The following MAP3K7 variants were observed in gnomAD, a reference collection of about 807,000 sequenced individuals.
MAP3K7 encodes TGF-beta activated kinase 1.
Under a neutral mutation model 84.8 loss-of-function variants are expected in MAP3K7, and 21 were observed. That is an observed-to-expected ratio of 0.25 (90% confidence interval 0.18 to 0.36). The LOEUF is 0.36. Among genes scored for constraint, MAP3K7 ranks in the 10% least tolerant of loss-of-function variants. MAP3K7 has a pLI of 1.00. For synonymous variants in MAP3K7, 241 were observed against 247.7 expected (o/e 0.97, Z 0.25); for missense variants, 503 against 747.7 (o/e 0.67, Z 3.82).
intron 6 of MAP3K7, among the ~76,000 whole-genome samples, chr6:90,554,298 T>C (rs1055435578): frequency 1.4e-4 from 22 of 152,214 alleles, no homozygotes; most frequent in African/African-American, 5.3e-4. Context: ...TCTAATTTAG[T>C]GTTACAGTTT....
chr6:90,581,831 G>C (rs1777281866), intron 1 of MAP3K7, among the ~76,000 whole-genome samples: 1 of 152,076 alleles, frequency 6.6e-6, no homozygotes, highest in African/African-American at 2.4e-5. Context: ...CTATAAATTA[G>C]GTTTTTCTCT....
At chr6:90,517,077 G>A (rs957115180) in intron 16 of MAP3K7, among the ~76,000 whole-genome samples, 21 of 151,926 alleles carry the variant, frequency 1.4e-4, no homozygotes, top group African/African-American at 5.1e-4. Flanking sequence ...ACATTCTGAA[G>A]TCACAATCCT....
chr6:90,579,134 G>A (rs1183826372), intron 1 of MAP3K7, among the ~76,000 whole-genome samples: 1 of 152,214 alleles, frequency 6.6e-6, no homozygotes, highest in African/African-American at 2.4e-5. Context: ...GCCTGGTACA[G>A]AGAAAAATGC....
intron 13 of MAP3K7, among the ~76,000 whole-genome samples, chr6:90,525,314 G>C (rs1775286635): frequency 6.6e-6 from 1 of 151,976 alleles, no homozygotes; most frequent in Non-Finnish European, 1.5e-5. Context: ...TATGATAAGT[G>C]GTTCAATTCA....
At chr6:90,527,773 C>G (rs1775369825) in intron 13 of MAP3K7, among the ~76,000 whole-genome samples, 2 of 150,980 alleles carry the variant, frequency 1.3e-5, no homozygotes, top group Admixed American at 6.6e-5. Context: ...ATTTTCATAA[C>G]TTATACATTA....
intron 13 of MAP3K7, among the ~76,000 whole-genome samples, chr6:90,525,238 G>A (rs1464495139): frequency 6.6e-6 from 1 of 151,844 alleles, no homozygotes; most frequent in Non-Finnish European, 1.5e-5. Context: ...CCCCAAATAA[G>A]GTACCTATAT....
intron 2 of MAP3K7, among the ~76,000 whole-genome samples, chr6:90,569,260 C>T (rs1324566660): frequency 1.5e-5 from 2 of 135,604 alleles, no homozygotes; most frequent in Non-Finnish European, 3.5e-5. Context: ...CCTCTGTATA[C>T]TTGCCTCCAT....
intron 11 of MAP3K7, among the ~76,000 whole-genome samples, chr6:90,546,502 G>A (rs1042164457): frequency 6.6e-6 from 1 of 152,010 alleles, no homozygotes; most frequent in Non-Finnish European, 1.5e-5. Context: ...ACAGAAACGT[G>A]TTTACTTTTA....
At chr6:90,541,701 C>T (rs1775860551) in intron 12 of MAP3K7, among the ~76,000 whole-genome samples, 1 of 151,936 alleles carries the variant, frequency 6.6e-6, no homozygotes, top group Admixed American at 6.6e-5. Flanking sequence ...ATAAATAGTG[C>T]TGTTTTGCTA....
intron 13 of MAP3K7, 42 bp from the exon 14 acceptor site, chr6:90,523,825 G>C: frequency 2.5e-6 from 3 of 1,180,262 alleles, no homozygotes; most frequent in Non-Finnish European, 3.8e-6. Flanking sequence ...GTGATTTTTT[G>C]ATTAAAAAAA....
chr6:90,533,418 T>C (rs1775569813), intron 13 of MAP3K7, among the ~76,000 whole-genome samples: 1 of 152,066 alleles, frequency 6.6e-6, no homozygotes, highest in South Asian at 2.1e-4. Context: ...AAAAAGAAAG[T>C]ATTATAGGAT....
chr6:90,572,002 A>G lies in MAP3K7; in HGVS notation c.121-195T>C, dbSNP rs529822863. On this transcript the variant is annotated intron_variant, in intron 1 of 16. Coordinates refer to ENST00000369329, the MANE Select transcript of MAP3K7 (RefSeq NM_145331.3). ...TTTGTTAAAGTGAGAAGATAATTAA[A>G]TGCATGCTTGTCTCTATCTTTGAAA... 2.0e-5 allele frequency among the ~76,000 whole-genome samples: 3 copies of G among 152,162 alleles called. No individual in the cohort carries two copies. The South Asian group carries it at 6.2e-4, about 32-fold the overall frequency.
intron 5 of MAP3K7, among the ~76,000 whole-genome samples, chr6:90,558,091 G>A (rs945479776): frequency 8.5e-5 from 13 of 152,156 alleles, no homozygotes; most frequent in African/African-American, 3.1e-4. Flanking sequence ...GGGAGGCTGA[G>A]GCGGGCAGAT....
intron 13 of MAP3K7, among the ~76,000 whole-genome samples, chr6:90,535,654 C>T (rs1325698375): frequency 6.6e-6 from 1 of 151,904 alleles, no homozygotes; most frequent in Non-Finnish European, 1.5e-5. Context: ...CTTTTATATA[C>T]CTGGTGGGTT....
At chr6:90,585,987 G>T (rs964624059) in intron 1 of MAP3K7, among the ~76,000 whole-genome samples, 4 of 152,212 alleles carry the variant, frequency 2.6e-5, no homozygotes, top group Non-Finnish European at 5.9e-5. Flanking sequence ...TAGACTTGAT[G>T]ATCTACTAAT....
chr6:90,531,460 T>C (rs1040300918), intron 13 of MAP3K7, among the ~76,000 whole-genome samples: 1 of 152,282 alleles, frequency 6.6e-6, no homozygotes, highest in East Asian at 1.9e-4. Context: ...TGGGTATAAG[T>C]TGGTAATGTG....
At chr6:90,574,944 C>T (rs1174901892) in intron 1 of MAP3K7, among the ~76,000 whole-genome samples, 4 of 152,024 alleles carry the variant, frequency 2.6e-5, no homozygotes, top group South Asian at 2.1e-4. Context: ...ATTAGGGCCA[C>T]GAGATATTTC....
rs760847614 is a variant in MAP3K7, at chr6:90,586,917, G to C, written c.-34C>G. 3 of 1,586,000 alleles carry C rather than the reference G, an allele frequency of 1.9e-6. No homozygotes were observed. The highest frequency in any genetic ancestry group is 2.3e-5 in the East Asian group (1 of 42,608). Reference sequence around the variant, plus strand: ...GCGGCGCCCGGTGGGGCCGGGAACGGTGCCACCCGGACAATCCGGGTGAGA... The same window carrying C: ...GCGGCGCCCGGTGGGGCCGGGAACGCTGCCACCCGGACAATCCGGGTGAGA... On this transcript the variant is annotated 5_prime_UTR_variant, in exon 1 of 17. Coordinates refer to ENST00000369329, the MANE Select transcript of MAP3K7 (RefSeq NM_145331.3).
chr6:90,579,631 T>C (rs555158866), intron 1 of MAP3K7, among the ~76,000 whole-genome samples: 20 of 152,338 alleles, frequency 1.3e-4, no homozygotes, highest in African/African-American at 4.1e-4. Context: ...CTTGTGTATA[T>C]TGTAGTTTAC....
Sources: allele counts gnomAD v4.1 joint callset (sites outside exome capture counted in the v4.1 genomes callset), GRCh38; gene constraint gnomAD v4.1.1; transcripts MANE v1.5; gene names NCBI Gene and HGNC (gene_info 2026-07-23, HGNC 2026-07-21).